Variants in HOMEZ observed in about 807,000 individuals in gnomAD.
The protein encoded by HOMEZ is homeobox and leucine zipper encoding.
A neutral mutation model predicts 50.1 loss-of-function variants in HOMEZ; 20 were observed. The observed-to-expected ratio is 0.40, with a 90% CI of 0.28 to 0.58. HOMEZ has a LOEUF of 0.58. Among genes scored for constraint, HOMEZ ranks in the 20% least tolerant of loss-of-function variants. HOMEZ has a pLI of 0.46. For missense variants in HOMEZ, 579 were observed against 680.5 expected (o/e 0.85, Z 1.66); for synonymous variants, 239 against 254.7 (o/e 0.94, Z 0.59).
At chr14:23,281,206 C>T (rs1340280855) in intron 1 of HOMEZ, among the ~76,000 whole-genome samples, 6 of 152,146 alleles carry the variant, frequency 3.9e-5, no homozygotes, top group Admixed American at 3.9e-4. Context: ...GGATTTTACA[C>T]CATGATTTTT....
At chr14:23,283,611 G>A (rs1012047501) in intron 1 of HOMEZ, among the ~76,000 whole-genome samples, 7 of 151,964 alleles carry the variant, frequency 4.6e-5, no homozygotes, top group African/African-American at 1.5e-4. Context: ...AGTGGGAGGC[G>A]AGGCTGGGTC....
intron 1 of HOMEZ, among the ~76,000 whole-genome samples, chr14:23,284,213 C>T (rs1886614198): frequency 2.0e-5 from 3 of 152,190 alleles, no homozygotes; most frequent in Admixed American, 2.0e-4. Flanking sequence ...GCCTCATATC[C>T]TTCCAACTTA....
chr14:23,273,229 T>C lies in HOMEZ; in HGVS notation c.*2346A>G. 5.4e-6 allele frequency: 1 copy of C among 183,894 alleles called. No individual in the cohort carries two copies. Among genetic ancestry groups the C allele is most frequent in the South Asian group, 1.6e-4 (1 of 6,168 alleles). 11.4% of individuals were successfully genotyped at this position (183,894 alleles called of 1,614,324 possible). A position where few individuals can be genotyped will look rare whatever the true frequency, so the allele number is the denominator to read the frequency against. ...TGGGAATGGGGATTGTGATGGATCA[T>C]ATACTCATCACTGTTTCATTTCTGG... On this transcript the variant is annotated 3_prime_UTR_variant, in exon 2 of 2. Transcript: ENST00000357460.
chr14:23,274,634 A>G lies in HOMEZ; in HGVS notation c.*941T>C, dbSNP rs111325777. 701 of 152,684 alleles carry G rather than the reference A, an allele frequency of 4.6e-3. 7 individuals are homozygous for G. Among genetic ancestry groups the G allele is most frequent in the East Asian group, 0.011 (58 of 5,184 alleles). The allele number at this position is 152,684 out of a possible 1,614,324, so 9.5% of individuals were successfully genotyped here. A position where few individuals can be genotyped will look rare whatever the true frequency, so the allele number is the denominator to read the frequency against. ...GCATAAGAACTGAAAATAGCCGGGC[A>G]CGGTGGCTCATGCCTATAATCCCAG... On this transcript the variant is annotated 3_prime_UTR_variant, in exon 2 of 2. Transcript: ENST00000357460.
rs1306861725 is a variant in HOMEZ, at chr14:23,286,113, A to G, written c.-161T>C. On this transcript the variant is annotated 5_prime_UTR_variant, in exon 1 of 2. Coordinates refer to ENST00000357460, the MANE Select transcript of HOMEZ (RefSeq NM_020834.3). ...CCGGTCTACCCAGCCCTGCTCGAGC[A>G]AGTTGGAGGCGGGGCGGATGGGTGG... 8.1e-7 allele frequency: 1 copy of G among 1,229,584 alleles called. No homozygotes were observed. Among genetic ancestry groups the G allele is most frequent in the Non-Finnish European group, 1.0e-6 (1 of 986,750 alleles). 76.2% of individuals were successfully genotyped at this position (1,229,584 alleles called of 1,614,324 possible). A position where few individuals can be genotyped will look rare whatever the true frequency, so the allele number is the denominator to read the frequency against.
intron 1 of HOMEZ, among the ~76,000 whole-genome samples, chr14:23,281,653 T>C (rs1886558921): frequency 6.6e-6 from 1 of 152,012 alleles, no homozygotes. Context: ...CTCTAAGTCT[T>C]AGTTTCTCAT....
At chr14:23,280,773 ATTTTAT>A (rs1886532329) in intron 1 of HOMEZ, among the ~76,000 whole-genome samples, 2 of 100,232 alleles carry the variant, frequency 2.0e-5, no homozygotes, top group African/African-American at 6.9e-5. Flanking sequence ...ATTTTATTTT[ATTTTAT>A]TTTATTTTAT....
At position 23,275,801 on chromosome 14, in the gene HOMEZ, A is replaced by G; in HGVS notation, c.1427T>C (p.Leu476Pro). 3 of 1,611,102 alleles carry G rather than the reference A, an allele frequency of 1.9e-6. No homozygotes were observed. Among genetic ancestry groups the G allele is most frequent in the Non-Finnish European group, 2.5e-6 (3 of 1,178,170 alleles). ...CAATTGAGGGATATCAGTTTCCCGT[A>G]GCTGTTGGTGGGCTGCCCAGTACCT... ...LERYWAAHQQ[L>P]RETDIPQLSQ... Residue 476 changes from leucine (L) to proline (P), a missense_variant, in exon 2 of 2, where the codon CTA becomes CCA. By Grantham distance (98) the Leu-to-Pro change is moderately conservative. Coordinates refer to ENST00000357460, the MANE Select transcript of HOMEZ (RefSeq NM_020834.3).
chr14:23,276,240 C>T lies in HOMEZ; in HGVS notation c.988G>A (p.Ala330Thr). ...EQALPPHLEP[A>T]WPQGLRHNSV... ...TTATGCCGTAGCCCTTGGGGCCAGG[C>T]TGGTTCCAGATGTGGGGGTAATGCC... is the stretch of plus-strand genomic sequence containing the variant. The change falls in exon 2 of 2, where the codon GCC becomes ACC. Residue 330 changes from alanine (A) to threonine (T), a missense_variant. Physicochemically the swap from Ala to Thr is moderately conservative, Grantham distance 58. Coordinates refer to ENST00000357460, the MANE Select transcript of HOMEZ (RefSeq NM_020834.3). This position sits in a 1 kb window ranked among gnomAD's most constrained non-coding sequence, Gnocchi z 4.1. 1 of 1,613,974 alleles carries T rather than the reference C, an allele frequency of 6.2e-7. No individual in the cohort carries two copies. The highest frequency in any genetic ancestry group is 8.5e-7 in the Non-Finnish European group (1 of 1,179,882).
chr14:23,272,984 C>T lies in HOMEZ; in HGVS notation c.*2591G>A. ...GGTGATGGCCCTGGAAAATGTATCC[C>T]TGCATTGTTTCCTAGTTTCACTCTG... On this transcript the variant is annotated 3_prime_UTR_variant, in exon 2 of 2. Coordinates refer to ENST00000357460, the MANE Select transcript of HOMEZ (RefSeq NM_020834.3). 1 of 696,618 alleles carries T rather than the reference C, an allele frequency of 1.4e-6. No homozygotes were observed. Among genetic ancestry groups the T allele is most frequent in the Non-Finnish European group, 2.4e-6 (1 of 422,352 alleles). The allele number at this position is 696,618 out of a possible 1,614,324, so 43.2% of individuals were successfully genotyped here.
chr14:23,286,040 G>T lies in HOMEZ; in HGVS notation c.-88C>A, dbSNP rs1886657200. On this transcript the variant is annotated 5_prime_UTR_variant, in exon 1 of 2. The change creates a new upstream start codon in the 5' untranslated region. Transcript: ENST00000357460. The stretch of plus-strand genomic sequence containing the variant: ...GTGCGGCCGCTCCGAGCCCACCCCA[G>T]CGATGGCCGAAACCGGGACTGCCCC... The T allele has an allele frequency of 1.9e-5, 23 of 1,232,086 alleles. No individual in the cohort carries two copies. The highest frequency in any genetic ancestry group is 3.2e-5 in the East Asian group (1 of 31,684). 76.3% of individuals were successfully genotyped at this position (1,232,086 alleles called of 1,614,324 possible).
intron 1 of HOMEZ, among the ~76,000 whole-genome samples, chr14:23,282,481 C>G (rs1214646188): frequency 6.6e-6 from 1 of 151,936 alleles, no homozygotes; most frequent in East Asian, 1.9e-4. Context: ...CTTGCATGGC[C>G]AGGTGCTAAA....
intron 1 of HOMEZ, 181 bp downstream of exon 1, chr14:23,285,732 A>T (rs1231141764): frequency 4.9e-6 from 2 of 408,642 alleles, no homozygotes; most frequent in Non-Finnish European, 8.6e-6. Context: ...CCCTACACAG[A>T]CACTCACCCT....
Position 23,275,662 on chromosome 14 carries a change from TTCC to T in HOMEZ, c.1563_1565del (p.Glu523del). 1.3e-6 allele frequency: 2 copies of T among 1,572,856 alleles called. No homozygotes were observed. The highest frequency in any genetic ancestry group is 1.4e-5 in the African/African-American group (1 of 74,008). On this transcript the variant is annotated inframe_deletion, in exon 2 of 2. Coordinates refer to ENST00000357460, the MANE Select transcript of HOMEZ (RefSeq NM_020834.3). ...CTTCCTCATCATCTTCTGGCAGTTC[TTCC>T]TCCTCCTCTTCCTCTTCTTCATCTA...
At chr14:23,277,838 C>A (rs566794734) in intron 1 of HOMEZ, among the ~76,000 whole-genome samples, 1 of 150,804 alleles carries the variant, frequency 6.6e-6, no homozygotes, top group Non-Finnish European at 1.5e-5. Flanking sequence ...TGTGTGTGTG[C>A]GTGTGTTTTG....
intron 1 of HOMEZ, among the ~76,000 whole-genome samples, chr14:23,280,333 C>G (rs61224170): frequency 6.6e-6 from 1 of 152,260 alleles, no homozygotes; most frequent in African/African-American, 2.4e-5. Context: ...CTCAGCTTCT[C>G]CCCAGGGAGC....
Position 23,272,426 on chromosome 14 carries a change from CAACAAACA to C in HOMEZ, c.*3141_*3148del, listed in dbSNP as rs376451658. On this transcript the variant is annotated 3_prime_UTR_variant, in exon 2 of 2. Transcript: ENST00000357460. ...AGAGCGAGACTCCATCTCAAAAAAA[CAACAAACA>C]AACAAACAAACAAACAACCGAAAAT... 8 of 253,764 alleles carry C rather than the reference CAACAAACA, an allele frequency of 3.2e-5. No homozygotes were observed. Among genetic ancestry groups the C allele is most frequent in the African/African-American group, 9.5e-5 (4 of 41,984 alleles). 15.7% of individuals were successfully genotyped at this position (253,764 alleles called of 1,614,324 possible). A position where few individuals can be genotyped will look rare whatever the true frequency, so the allele number is the denominator to read the frequency against.
intron 1 of HOMEZ, among the ~76,000 whole-genome samples, chr14:23,277,617 G>A (rs959144160): frequency 6.6e-6 from 1 of 151,994 alleles, no homozygotes; most frequent in African/African-American, 2.4e-5. Context: ...ATGGTGGTTC[G>A]TGCCTGTCGT....
intron 1 of HOMEZ, among the ~76,000 whole-genome samples, chr14:23,277,511 C>T (rs1276399207): frequency 4.6e-5 from 7 of 152,148 alleles, no homozygotes; most frequent in Non-Finnish European, 1.5e-5. Context: ...CCCAGCACTT[C>T]GGGAGGCCGA....
Sources: allele counts gnomAD v4.1 joint callset (sites outside exome capture counted in the v4.1 genomes callset), GRCh38; gene constraint gnomAD v4.1.1; non-coding constraint Gnocchi (gnomAD v3.1); transcripts MANE v1.5; gene names NCBI Gene and HGNC (gene_info 2026-07-23, HGNC 2026-07-21).